ITPKC: variants seen among roughly 807,000 people sequenced by gnomAD.
ITPKC encodes the protein IP3 3-kinase C.
Under a neutral mutation model 67.1 loss-of-function variants are expected in ITPKC, and 33 were observed. That is an observed-to-expected ratio of 0.49 (90% confidence interval 0.37 to 0.66). ITPKC has a LOEUF of 0.66. ITPKC is among the 30% of genes least tolerant of loss of function. The pLI, the probability that ITPKC is intolerant of heterozygous loss-of-function variation, is 0.00. For missense variants in ITPKC, 820 were observed against 892.1 expected (o/e 0.92, Z 1.03); for synonymous variants, 341 against 359.8 (o/e 0.95, Z 0.59).
rs2290692 is a variant in ITPKC, at chr19:40,740,473, G to T, written c.*913G>T. ...ACTCAGGAGGGCCCCATCCAATCCC[G>T]GGCCCCTGCAGGGAAAAGCGCTGGG... On this transcript the variant is annotated 3_prime_UTR_variant, in exon 7 of 7. Coordinates refer to ENST00000263370, the MANE Select transcript of ITPKC (RefSeq NM_025194.3). 3.4e-5 allele frequency: 7 copies of T among 204,178 alleles called. No individual in the cohort carries two copies. Among genetic ancestry groups the T allele is most frequent in the Non-Finnish European group, 4.9e-5 (5 of 101,284 alleles). 12.6% of individuals were successfully genotyped at this position (204,178 alleles called of 1,614,324 possible). A position where few individuals can be genotyped will look rare whatever the true frequency, so the allele number is the denominator to read the frequency against.
Position 40,739,452 on chromosome 19 carries a change from C to G in ITPKC, c.1944C>G (p.His648Gln). Residue 648 changes from histidine (H) to glutamine (Q), a missense_variant, in exon 7 of 7, where the codon CAC becomes CAG. By Grantham distance (24) the His-to-Gln change is conservative (BLOSUM62 0). Around this residue, in one of 2 missense-constraint regions of ITPKC, gnomAD observed 339 missense variants for 422.0 expected, o/e 0.80. Transcript: ENST00000263370. ...GCAAGACGGTGGCCTTGCCCGACCA[C>G]CAGACGCTCAGCCACAGGCTGCCCT... The part of the protein sequence containing the change: ...DFGKTVALPD[H>Q]QTLSHRLPWA... 2 of 1,613,610 alleles carry G rather than the reference C, an allele frequency of 1.2e-6. No individual in the cohort carries two copies. Among genetic ancestry groups the G allele is most frequent in the Non-Finnish European group, 1.7e-6 (2 of 1,180,018 alleles).
chr19:40,735,107 CG>C (rs1327436456), intron 4 of ITPKC, among the ~76,000 whole-genome samples: 1 of 151,906 alleles, frequency 6.6e-6, no homozygotes, highest in African/African-American at 2.4e-5. Flanking sequence ...TTAAGAGAGG[CG>C]GGGTTTCACT....
In ITPKC at chr19:40,737,706, C is replaced by T. The variant is rs779650466; in HGVS notation, c.1785C>T (p.Tyr595=). 29 of 1,613,932 alleles carry T rather than the reference C, an allele frequency of 1.8e-5. No individual in the cohort carries two copies. The highest frequency in any genetic ancestry group is 1.3e-4 in the South Asian group (12 of 91,092). ...CGCTCCCTGTCACACAGCAAAAGTA[C>T]GTGGCATGCCTAGAAGAACTTCGTG... ...VDGDHVILQK[Y]VACLEELREA... The change falls in exon 6 of 7, where the codon TAC becomes TAT. Residue 595 remains tyrosine (Y), a synonymous_variant. Coordinates refer to ENST00000263370, the MANE Select transcript of ITPKC (RefSeq NM_025194.3).
At chr19:40,725,194 C>T (rs1433088315) in intron 1 of ITPKC, 146 bp from the exon 2 acceptor site, 2 of 626,556 alleles carry the variant, frequency 3.2e-6, no homozygotes, top group Middle Eastern at 4.5e-4. Context: ...GCTCACTCAC[C>T]CCAACAAGCC....
chr19:40,723,589 C>G (rs931306572), intron 1 of ITPKC, among the ~76,000 whole-genome samples: 1 of 151,888 alleles, frequency 6.6e-6, no homozygotes, highest in Non-Finnish European at 1.5e-5. Flanking sequence ...CTCTGCCTCT[C>G]GGGTTCAAAC....
Position 40,725,445 on chromosome 19 carries a change from T to TG in ITPKC, c.1255+10dup, listed in dbSNP as rs2082242260. Reference sequence around the variant, plus strand: ...CCAGCTTTCTGGACATGCTGGTAAGTGGGGTGGTGGTGGACAGAGCTGGGC... The same window carrying TG: ...CCAGCTTTCTGGACATGCTGGTAAGTGGGGGTGGTGGTGGACAGAGCTGGGC... On this transcript the variant is annotated splice_region_variant and intron_variant, in intron 2 of 6. Coordinates refer to ENST00000263370, the MANE Select transcript of ITPKC (RefSeq NM_025194.3). 1 of 1,586,442 alleles carries TG rather than the reference T, an allele frequency of 6.3e-7. No homozygotes were observed. Among genetic ancestry groups the TG allele is most frequent in the Non-Finnish European group, 8.7e-7 (1 of 1,154,730 alleles).
chr19:40,738,508 T>A (rs565445569), intron 6 of ITPKC, among the ~76,000 whole-genome samples: 1 of 151,912 alleles, frequency 6.6e-6, no homozygotes, highest in Non-Finnish European at 1.5e-5. Context: ...GCTGAGATTG[T>A]GTCACTGCAC....
chr19:40,726,105 G>A (rs867435831), intron 2 of ITPKC, among the ~76,000 whole-genome samples: 9 of 152,148 alleles, frequency 5.9e-5, no homozygotes, highest in South Asian at 2.1e-4. Flanking sequence ...GCCAGGCATG[G>A]TGGCGGGTGC....
intron 5 of ITPKC, 129 bp from the exon 6 acceptor site, chr19:40,737,569 T>C: frequency 2.6e-6 from 2 of 773,932 alleles, no homozygotes; most frequent in Non-Finnish European, 2.3e-6. Flanking sequence ...GTCTTCCCCA[T>C]GGCTCCCCTA....
At chr19:40,737,119 C>G (rs2082298333) in intron 5 of ITPKC, 32 bp downstream of exon 5, 1 of 1,280,460 alleles carries the variant, frequency 7.8e-7, no homozygotes, top group East Asian at 2.5e-5. Flanking sequence ...CAGAATGTAG[C>G]AGCTTAAGAC....
chr19:40,717,173 C>T lies in ITPKC; in HGVS notation c.38C>T (p.Ala13Val), dbSNP rs1297929349. 3 of 1,226,900 alleles carry T rather than the reference C, an allele frequency of 2.4e-6. No individual in the cohort carries two copies. The highest frequency in any genetic ancestry group is 3.0e-6 in the Non-Finnish European group (3 of 985,200). 76.0% of individuals were successfully genotyped at this position (1,226,900 alleles called of 1,614,324 possible). A position where few individuals can be genotyped will look rare whatever the true frequency, so the allele number is the denominator to read the frequency against. ...RCPCRGSLNE[A>V]EAGALPAAAR... The stretch of plus-strand genomic sequence containing the variant: ...CCGTGCCGTGGGAGCCTGAACGAGG[C>T]GGAGGCCGGGGCGCTGCCCGCGGCG... The change falls in exon 1 of 7, where the codon GCG becomes GTG. Residue 13 changes from alanine to valine, a missense_variant. This residue lies in a region of ITPKC where 481 missense variants were observed against 470.1 expected (regional missense o/e 1.02). Coordinates refer to ENST00000263370, the MANE Select transcript of ITPKC (RefSeq NM_025194.3).
chr19:40,738,765 C>A (rs552107701), intron 6 of ITPKC, among the ~76,000 whole-genome samples: 5 of 152,270 alleles, frequency 3.3e-5, no homozygotes, highest in African/African-American at 1.2e-4. Flanking sequence ...TGCCCAGCAG[C>A]CTCTGAGGTA....
Position 40,739,256 on chromosome 19 carries a change from TC to T in ITPKC, c.1849-99del, listed in dbSNP as rs1477351884. Reference sequence around the variant, plus strand: ...CAGGATATGAATCAGGCAGCCAGGCTCCAGGGTTCATGCTGTCAATCACCCT... The same window carrying T: ...CAGGATATGAATCAGGCAGCCAGGCTCAGGGTTCATGCTGTCAATCACCCT... On this transcript the variant is annotated intron_variant, in intron 6 of 6. Coordinates refer to ENST00000263370, the MANE Select transcript of ITPKC (RefSeq NM_025194.3). 7 of 816,498 alleles carry T rather than the reference TC, an allele frequency of 8.6e-6. No homozygotes were observed. In the East Asian group the frequency reaches 1.9e-4, roughly 22 times the overall value. The allele number at this position is 816,498 out of a possible 1,614,324, so 50.6% of individuals were successfully genotyped here.
intron 2 of ITPKC, among the ~76,000 whole-genome samples, chr19:40,727,508 C>T (rs763771892): frequency 2.6e-5 from 4 of 152,142 alleles, no homozygotes; most frequent in African/African-American, 7.2e-5. Context: ...CTTTTCACTG[C>T]TCCACAATAT....
In ITPKC at chr19:40,739,090, TGA is replaced by T. The variant is rs538223779; in HGVS notation, c.1849-263_1849-262del. Reference sequence around the variant, plus strand: ...TTAATATTTTTGGATCGCACTTGACTGAGAGTAACTAAAACCAAAGAAAATGA... The same window carrying T: ...TTAATATTTTTGGATCGCACTTGACTGAGTAACTAAAACCAAAGAAAATGA... On this transcript the variant is annotated intron_variant, in intron 6 of 6. Transcript: ENST00000263370. 1.8e-3 allele frequency among the ~76,000 whole-genome samples: 274 copies of T among 152,316 alleles called. 3 individuals carry two copies. The highest frequency in any genetic ancestry group is 6.4e-3 in the African/African-American group (268 of 41,564).
intron 6 of ITPKC, among the ~76,000 whole-genome samples, chr19:40,738,341 A>G (rs1219168953): frequency 5.9e-5 from 9 of 152,164 alleles, no homozygotes; most frequent in African/African-American, 9.7e-5. Flanking sequence ...AGGCAGGAGA[A>G]TGGCATGAAC....
In ITPKC at chr19:40,717,178, G is replaced by A; in HGVS notation, c.43G>A (p.Ala15Thr). Residue 15 changes from alanine to threonine, a missense_variant, in exon 1 of 7, where the codon GCC (alanine) becomes ACC (threonine). Transcript: ENST00000263370. ...PCRGSLNEAE[A>T]GALPAAARMG... ...CCGTGGGAGCCTGAACGAGGCGGAGGCCGGGGCGCTGCCCGCGGCGGCCCG... is the reference window on the plus strand; with the variant it reads ...CCGTGGGAGCCTGAACGAGGCGGAGACCGGGGCGCTGCCCGCGGCGGCCCG... 1 of 1,226,990 alleles carries A rather than the reference G, an allele frequency of 8.2e-7. No individual in the cohort carries two copies. The highest frequency in any genetic ancestry group is 1.0e-6 in the Non-Finnish European group (1 of 985,214). 76.0% of individuals were successfully genotyped at this position (1,226,990 alleles called of 1,614,324 possible).
chr19:40,734,643 C>G (rs1182132506), intron 4 of ITPKC, among the ~76,000 whole-genome samples: 1 of 151,924 alleles, frequency 6.6e-6, no homozygotes, highest in Non-Finnish European at 1.5e-5. Context: ...GAGTCTCGCT[C>G]TGTCACCCAG....
In ITPKC at chr19:40,733,197, C is replaced by T. The variant is rs751472434; in HGVS notation, c.1507C>T (p.Arg503Cys). 3 of 1,614,210 alleles carry T rather than the reference C, an allele frequency of 1.9e-6. No individual in the cohort carries two copies. The highest frequency in any genetic ancestry group is 1.1e-5 in the South Asian group (1 of 91,082). The change falls in exon 4 of 7, where the codon CGT (arginine) becomes TGT (cysteine). Residue 503 changes from arginine to cysteine, a missense_variant. Around this residue, in one of 2 missense-constraint regions of ITPKC, gnomAD observed 339 missense variants for 422.0 expected, o/e 0.80. Transcript: ENST00000263370. ...AGAGGAGCTAGTGAAGGCACGGGAA[C>T]GTCCCCGTCCCCGGAAGGACATGTA... Reference protein sequence around the residue: ...LEEELVKARERPRPRKDMYEK... With the variant: ...LEEELVKARECPRPRKDMYEK...
Sources: allele counts gnomAD v4.1 joint callset (sites outside exome capture counted in the v4.1 genomes callset), GRCh38; gene constraint gnomAD v4.1.1; regional missense constraint gnomAD v4.1.1; transcripts MANE v1.5; gene names NCBI Gene and HGNC (gene_info 2026-07-23, HGNC 2026-07-21).